Variants in FKBP15 observed in about 807,000 individuals in gnomAD.
FKBP15 encodes the protein FK506-binding protein 15.
In FKBP15, 106 loss-of-function variants were observed where a neutral mutation model predicts 158.1. The observed-to-expected ratio is 0.67, with a 90% CI of 0.57 to 0.79. The LOEUF is 0.79. Ranked by LOEUF, FKBP15 falls within the 30% of genes least tolerant of loss-of-function variation. The probability of loss-of-function intolerance (pLI) is 0.00; values close to 1 mark genes in which losing one functional copy is unlikely to be tolerated. For missense variants in FKBP15, 1,287 were observed against 1,479.1 expected, an observed-to-expected ratio of 0.87 and a Z score of 2.13; for synonymous variants, 547 against 548.6, an observed-to-expected ratio of 1.00 and a Z score of 0.04.
chr9:113,184,234 G>T lies in FKBP15; in HGVS notation c.1716+58C>A. On this transcript the variant is annotated intron_variant, in intron 17 of 27. Transcript: ENST00000238256. The surrounding 1 kb of genome is among the most constrained non-coding windows in gnomAD (Gnocchi z 4.5). Reference sequence around the variant, plus strand: ...GGAGGTGTTAAAGAGTAGTACCTCTGAGAAGAGAGGATGGGTAAGACCTTC... The same window carrying T: ...GGAGGTGTTAAAGAGTAGTACCTCTTAGAAGAGAGGATGGGTAAGACCTTC... The T allele has an allele frequency of 8.3e-7, 1 of 1,210,162 alleles. No homozygotes were observed. Among genetic ancestry groups the T allele is most frequent in the South Asian group, 1.3e-5 (1 of 76,780 alleles). The allele number at this position is 1,210,162 out of a possible 1,614,324, so 75.0% of individuals were successfully genotyped here.
intron 1 of FKBP15, among the ~76,000 whole-genome samples, chr9:113,217,322 C>G (rs761008423): frequency 6.6e-6 from 1 of 150,696 alleles, no homozygotes; most frequent in Non-Finnish European, 1.5e-5. Flanking sequence ...AAGCGATTCT[C>G]CTACCTCAGC....
At chr9:113,206,653 CA>C in intron 3 of FKBP15, 75 bp from the exon 4 acceptor site, 3 of 815,854 alleles carry the variant, frequency 3.7e-6, no homozygotes, top group South Asian at 1.7e-5. Context: ...TTCTGTCATA[CA>C]GAAGTGGGAA....
chr9:113,183,671 A>G, intron 18 of FKBP15, 80 bp downstream of exon 18: 1 of 912,754 alleles, frequency 1.1e-6, no homozygotes, highest in Non-Finnish European at 1.7e-6. Context: ...ACTGCCCTAA[A>G]CAAATACGTG....
intron 6 of FKBP15, among the ~76,000 whole-genome samples, chr9:113,201,508 T>C (rs1830792085): frequency 6.6e-6 from 1 of 152,164 alleles, no homozygotes; most frequent in South Asian, 2.1e-4. Context: ...TATTAGGAGG[T>C]GGGGCCTTTG....
At chr9:113,172,420 C>G (rs1830230426) in intron 23 of FKBP15, among the ~76,000 whole-genome samples, 1 of 152,118 alleles carries the variant, frequency 6.6e-6, no homozygotes, top group Non-Finnish European at 1.5e-5. Flanking sequence ...TAAGGAATCG[C>G]CACACTGTCT....
In FKBP15 at chr9:113,161,839, C is replaced by A; in HGVS notation, c.*4239G>T. ...ACCAGGACTTGCCAAAGTGGCTACA[C>A]ATAGCCAAGTGAACTAGAGCTCATG... On this transcript the variant is annotated 3_prime_UTR_variant, in exon 28 of 28. Coordinates refer to ENST00000238256, the MANE Select transcript of FKBP15 (RefSeq NM_015258.2). The A allele has an allele frequency of 2.3e-6, 2 of 880,698 alleles. No individual in the cohort carries two copies. The highest frequency in any genetic ancestry group is 3.7e-6 in the Non-Finnish European group (2 of 544,838). 54.6% of individuals were successfully genotyped at this position (880,698 alleles called of 1,614,324 possible).
At chr9:113,217,908 A>C (rs1831171846) in intron 1 of FKBP15, among the ~76,000 whole-genome samples, 1 of 152,150 alleles carries the variant, frequency 6.6e-6, no homozygotes, top group Admixed American at 6.5e-5. Flanking sequence ...GAACTCTCAA[A>C]TGTACACAAT....
In FKBP15 at chr9:113,190,066, T is replaced by C. The variant is rs574154097; in HGVS notation, c.1173+405A>G. Among the ~76,000 whole-genome samples, 3 of 152,262 alleles carry C rather than the reference T, an allele frequency of 2.0e-5. No homozygotes were observed. The East Asian group carries it at 5.8e-4, about 29-fold the overall frequency. The stretch of plus-strand genomic sequence containing the variant: ...CCACATACAAAGTCAAAAGACATAC[T>C]AGTTGGAGCTTTAGTGATAGGCAAC... On this transcript the variant is annotated intron_variant, in intron 12 of 27. Coordinates refer to ENST00000238256, the MANE Select transcript of FKBP15 (RefSeq NM_015258.2).
At chr9:113,194,275 G>T in intron 9 of FKBP15, 106 bp from the exon 10 acceptor site, 1 of 876,302 alleles carries the variant, frequency 1.1e-6, no homozygotes, top group South Asian at 1.7e-5. Context: ...GTCGGGTGGG[G>T]GTAGAGGGGA....
At chr9:113,217,885 T>G (rs1831171592) in intron 1 of FKBP15, among the ~76,000 whole-genome samples, 1 of 152,086 alleles carries the variant, frequency 6.6e-6, no homozygotes, top group African/African-American at 2.4e-5. Context: ...TTTTAGATTT[T>G]TCCACTACTA....
chr9:113,198,242 A>C lies in FKBP15; in HGVS notation c.717+613T>G, dbSNP rs1342467589. 6.6e-6 allele frequency among the ~76,000 whole-genome samples: 1 copy of C among 152,198 alleles called. No individual in the cohort carries two copies. Among genetic ancestry groups the C allele is most frequent in the Non-Finnish European group, 1.5e-5 (1 of 68,038 alleles). ...CCCTTTATGATAAGTTTCGAGAAGAAACTGTCTCACTTTTTCCCCTGTTAG... is the reference window on the plus strand; with the variant it reads ...CCCTTTATGATAAGTTTCGAGAAGACACTGTCTCACTTTTTCCCCTGTTAG... On this transcript the variant is annotated intron_variant, in intron 8 of 27. Transcript: ENST00000238256. This position sits in a 1 kb window ranked among gnomAD's most constrained non-coding sequence, Gnocchi z 5.2.
At position 113,187,586 on chromosome 9, in the gene FKBP15, T is replaced by C. The variant is rs1830506716; in HGVS notation, c.1383+207A>G. The C allele has an allele frequency of 7.1e-6, 4 of 565,238 alleles. No homozygotes were observed. The Admixed American group carries it at 1.3e-4, about 18-fold the overall frequency. 35.0% of individuals were successfully genotyped at this position (565,238 alleles called of 1,614,324 possible). On this transcript the variant is annotated intron_variant, in intron 14 of 27. Coordinates refer to ENST00000238256, the MANE Select transcript of FKBP15 (RefSeq NM_015258.2). Reference sequence around the variant, plus strand: ...ACGTTGTACTAGGGGCTCTACTTGTTCTTGCATTTAATCTTTATGACACTG... The same window carrying C: ...ACGTTGTACTAGGGGCTCTACTTGTCCTTGCATTTAATCTTTATGACACTG...
Position 113,188,435 on chromosome 9 carries a change from G to C in FKBP15, c.1230C>G (p.Pro410=). The C allele has an allele frequency of 1.9e-6, 3 of 1,613,932 alleles. No homozygotes were observed. The highest frequency in any genetic ancestry group is 1.1e-5 in the South Asian group (1 of 91,080). Residue 410 remains proline (P), a synonymous_variant, in exon 13 of 28, where the codon CCC becomes CCG. Transcript: ENST00000238256. The part of the protein sequence containing the change: ...GQPVVTPSVQ[P]SLHPAHPALP... ...ACGCTGGATGGGCCGGATGAAGAGA[G>C]GGCTGGACGGACGGAGTCACCACAG...
chr9:113,201,791 T>C (rs571582468), intron 6 of FKBP15, among the ~76,000 whole-genome samples: 4 of 152,330 alleles, frequency 2.6e-5, no homozygotes, highest in Non-Finnish European at 4.4e-5. Flanking sequence ...ATGCATATTA[T>C]GCAGCCTTCA....
intron 27 of FKBP15, among the ~76,000 whole-genome samples, chr9:113,168,172 A>G (rs1273828598): frequency 6.6e-6 from 1 of 152,222 alleles, no homozygotes; most frequent in Non-Finnish European, 1.5e-5. Flanking sequence ...AGGCTTCAGC[A>G]TTCCAATGTG....
At position 113,165,380 on chromosome 9, in the gene FKBP15, AG is replaced by A. The variant is rs1830082247; in HGVS notation, c.*697del. ...TTGAAAGCCTAAAAGTTCCAGGGTT[AG>A]GTATCAAAGGGAGTAAATATGCCAC... On this transcript the variant is annotated 3_prime_UTR_variant, in exon 28 of 28. Coordinates refer to ENST00000238256, the MANE Select transcript of FKBP15 (RefSeq NM_015258.2). The A allele has an allele frequency of 6.6e-6, 1 of 152,254 alleles. No homozygotes were observed. The highest frequency in any genetic ancestry group is 1.5e-5 in the Non-Finnish European group (1 of 68,056). 9.4% of individuals were successfully genotyped at this position (152,254 alleles called of 1,614,324 possible). A position where few individuals can be genotyped will look rare whatever the true frequency, so the allele number is the denominator to read the frequency against.
In FKBP15 at chr9:113,203,040, A is replaced by C; in HGVS notation, c.325-5T>G. 6.3e-7 allele frequency: 1 copy of C among 1,597,094 alleles called. No homozygotes were observed. The highest frequency in any genetic ancestry group is 8.5e-7 in the Non-Finnish European group (1 of 1,170,108). On this transcript the variant is annotated splice_region_variant and splice_polypyrimidine_tract_variant and intron_variant, in intron 4 of 27. Transcript: ENST00000238256. ...GATATAAAGAAGAATCCTATACTGT[A>C]GACAAGCAACGACAGATAGAAAAAA...
intron 1 of FKBP15, among the ~76,000 whole-genome samples, chr9:113,211,898 C>G (rs140400434): frequency 6.6e-6 from 1 of 152,260 alleles, no homozygotes; most frequent in African/African-American, 2.4e-5. Flanking sequence ...TCAGTTTTTC[C>G]ACCTATAAAC....
intron 20 of FKBP15, among the ~76,000 whole-genome samples, chr9:113,177,148 G>A (rs1049258883): frequency 2.6e-5 from 4 of 152,168 alleles, no homozygotes; most frequent in African/African-American, 9.7e-5. Context: ...AATGACCTTT[G>A]AAACAGATAA....
Sources: allele counts gnomAD v4.1 joint callset (sites outside exome capture counted in the v4.1 genomes callset), GRCh38; gene constraint gnomAD v4.1.1; non-coding constraint Gnocchi (gnomAD v3.1); transcripts MANE v1.5; gene names NCBI Gene and HGNC (gene_info 2026-07-23, HGNC 2026-07-21).